TCF7L2: variants seen among roughly 807,000 people sequenced by gnomAD.
TCF7L2 encodes the protein transcription factor 7-like 2.
Under a neutral mutation model 77.9 loss-of-function variants are expected in TCF7L2, and 23 were observed. The observed-to-expected ratio is 0.30, with a 90% confidence interval of 0.21 to 0.42. TCF7L2 has a LOEUF of 0.42. TCF7L2 is among the 10% of genes least tolerant of loss of function. The pLI is 1.00. For synonymous variants in TCF7L2, 413 were observed against 340.2 expected, an observed-to-expected ratio of 1.21 and a Z score of -2.36; for missense variants, 654 against 793.1, an observed-to-expected ratio of 0.82 and a Z score of 2.11.
intron 4 of TCF7L2, among the ~76,000 whole-genome samples, chr10:113,023,380 G>A (rs540759539): frequency 3.3e-5 from 5 of 152,310 alleles, no homozygotes; most frequent in East Asian, 3.9e-4. Context: ...AACTTTAGGC[G>A]GCTGGAGTTT....
chr10:113,149,173 G>A (rs2070189655), intron 8 of TCF7L2, among the ~76,000 whole-genome samples: 1 of 152,246 alleles, frequency 6.6e-6, no homozygotes, highest in African/African-American at 2.4e-5. Context: ...AGGCCTTCGA[G>A]CAGTGGGAAG....
intron 4 of TCF7L2, among the ~76,000 whole-genome samples, chr10:113,007,883 T>G (rs2045839169): frequency 1.3e-5 from 2 of 152,198 alleles, no homozygotes; most frequent in African/African-American, 4.8e-5. Flanking sequence ...TTTGGCGTGG[T>G]GTCTCTGTGC....
At chr10:113,123,565 T>C (rs114047767) in intron 5 of TCF7L2, among the ~76,000 whole-genome samples, 208 of 152,324 alleles carry the variant, frequency 1.4e-3, no homozygotes, top group African/African-American at 4.0e-3. Context: ...TATGGGATGA[T>C]GTGGGGGAAA....
intron 4 of TCF7L2, among the ~76,000 whole-genome samples, chr10:112,993,914 G>T (rs903870185): frequency 6.6e-6 from 1 of 152,092 alleles, no homozygotes; most frequent in African/African-American, 2.4e-5. Context: ...AATTAGCTGG[G>T]CGTGGTGGCG....
chr10:113,029,307 G>A (rs1469100539), intron 4 of TCF7L2, among the ~76,000 whole-genome samples: 2 of 151,966 alleles, frequency 1.3e-5, no homozygotes, highest in Non-Finnish European at 2.9e-5. Context: ...AAGGTATACT[G>A]TCCTCTCTTA....
intron 4 of TCF7L2, among the ~76,000 whole-genome samples, chr10:113,018,501 G>A (rs556496511): frequency 7.0e-6 from 1 of 143,496 alleles, no homozygotes; most frequent in Non-Finnish European, 1.5e-5. Context: ...AGATTGGAGT[G>A]CAGTGACGCG....
intron 5 of TCF7L2, among the ~76,000 whole-genome samples, chr10:113,104,793 TG>T (rs1238534035): frequency 2.6e-5 from 4 of 152,206 alleles, no homozygotes; most frequent in African/African-American, 9.6e-5. Context: ...TCTGGCTGTC[TG>T]GGGTCTTGGG....
intron 11 of TCF7L2, among the ~76,000 whole-genome samples, chr10:113,156,219 A>G (rs758706158): frequency 3.3e-5 from 5 of 149,992 alleles, no homozygotes; most frequent in African/African-American, 1.2e-4. Context: ...GGTTCAAGTG[A>G]TCCTCCTGTC....
At chr10:113,052,477 C>G (rs2054643346) in intron 5 of TCF7L2, among the ~76,000 whole-genome samples, 2 of 152,190 alleles carry the variant, frequency 1.3e-5, no homozygotes, top group African/African-American at 4.8e-5. Context: ...TTTAGATGTC[C>G]TGGTGAACAA....
intron 5 of TCF7L2, among the ~76,000 whole-genome samples, chr10:113,061,140 C>A (rs532884603): frequency 6.6e-6 from 1 of 152,074 alleles, no homozygotes; most frequent in African/African-American, 2.4e-5. Context: ...CCACCCCTCA[C>A]CCCCCCGACA....
chr10:113,157,842 T>A, intron 11 of TCF7L2, 179 bp from the exon 12 acceptor site: 1 of 599,018 alleles, frequency 1.7e-6, no homozygotes, highest in South Asian at 2.0e-5. Context: ...CCAGCTGGGG[T>A]ACAATGCAAG....
At chr10:113,138,335 G>A (rs2067743961) in intron 5 of TCF7L2, among the ~76,000 whole-genome samples, 1 of 134,464 alleles carries the variant, frequency 7.4e-6, no homozygotes, top group Non-Finnish European at 1.5e-5. Flanking sequence ...AAATAATACT[G>A]GGAGAGGTGT....
At position 112,978,096 on chromosome 10, in the gene TCF7L2, GAGAA is replaced by G. The variant is rs2039770715; in HGVS notation, c.450+13478_450+13481del. Among the ~76,000 whole-genome samples the G allele has an allele frequency of 2.6e-5, 4 of 152,298 alleles. No individual in the cohort carries two copies. The South Asian group carries it at 8.3e-4, about 32-fold the overall frequency. On this transcript the variant is annotated intron_variant, in intron 4 of 13. Transcript: ENST00000627217. ...GAAAGCTTAATGATGATTTGAAAGA[GAGAA>G]AGAAAAAGGACAGCTAAATTTAAAT...
At chr10:113,158,850 C>T (rs1196579586) in intron 12 of TCF7L2, 133 bp downstream of exon 13, 131 of 750,726 alleles carry the variant, frequency 1.7e-4, no homozygotes, top group South Asian at 6.7e-4. Flanking sequence ...AACACGGTTT[C>T]GTATGTTTCA....
intron 4 of TCF7L2, among the ~76,000 whole-genome samples, chr10:112,994,163 T>G (rs937781120): frequency 3.3e-5 from 5 of 152,160 alleles, no homozygotes; most frequent in Admixed American, 2.0e-4. Context: ...CACAGATCTG[T>G]GCAGTCATCC....
intron 4 of TCF7L2, among the ~76,000 whole-genome samples, chr10:112,985,863 TG>T (rs1564746292): frequency 2.7e-4 from 24 of 87,718 alleles, no homozygotes; most frequent in African/African-American, 1.0e-3. Context: ...CTGTAGTTTG[TG>T]TGTGTGTGTG....
intron 5 of TCF7L2, among the ~76,000 whole-genome samples, chr10:113,101,704 A>G (rs1196438852): frequency 2.0e-5 from 3 of 151,680 alleles, no homozygotes; most frequent in Non-Finnish European, 2.9e-5. Context: ...TTAGCTGGGC[A>G]TGGTGGCGGC....
intron 5 of TCF7L2, among the ~76,000 whole-genome samples, chr10:113,076,703 CT>C (rs542178980): frequency 6.2e-4 from 95 of 152,198 alleles, no homozygotes; most frequent in African/African-American, 2.2e-3. Context: ...CCACTTTAAC[CT>C]TGTGTTATGT....
chr10:113,116,657 G>A (rs1180258026), intron 5 of TCF7L2, among the ~76,000 whole-genome samples: 12 of 65,276 alleles, frequency 1.8e-4, no homozygotes, highest in South Asian at 6.6e-4. Flanking sequence ...CCCCCCGCCC[G>A]CCCCAAGTGC....
Sources: gnomAD v4.1 joint callset for allele counts (sites outside exome capture counted in the v4.1 genomes callset) on GRCh38, gnomAD v4.1.1 for gene constraint, MANE v1.5 for transcripts, NCBI Gene and HGNC (gene_info 2026-07-23, HGNC 2026-07-21) for gene names.